The following BCAT1 variants were observed in gnomAD, a reference collection of about 807,000 sequenced individuals.
BCAT1 encodes the protein branched-chain-amino-acid aminotransferase, cytosolic.
Under a neutral mutation model 52.4 loss-of-function variants are expected in BCAT1, and 48 were observed. That is an observed-to-expected ratio of 0.92 (90% confidence interval 0.73 to 1.16). The LOEUF (loss-of-function observed/expected upper bound fraction) is 1.16. Ranked by LOEUF, BCAT1 falls within the 50% of genes most tolerant of loss-of-function variation. BCAT1 has a pLI of 0.00. For synonymous variants in BCAT1, 167 were observed against 161.3 expected, an observed-to-expected ratio of 1.04 and a Z score of -0.27; for missense variants, 451 against 457.1, an observed-to-expected ratio of 0.99 and a Z score of 0.12.
At chr12:24,933,833 T>C (rs954206988) in intron 1 of BCAT1, among the ~76,000 whole-genome samples, 2 of 152,054 alleles carry the variant, frequency 1.3e-5, no homozygotes, top group African/African-American at 2.4e-5. Flanking sequence ...CCAGATTTTA[T>C]AGTCAGGCTT....
At position 24,901,853 on chromosome 12, in the gene BCAT1, G is replaced by T; in HGVS notation, c.39C>A (p.Thr13=). 1 of 1,613,882 alleles carries T rather than the reference G, an allele frequency of 6.2e-7. No homozygotes were observed. Among genetic ancestry groups the T allele is most frequent in the Non-Finnish European group, 8.5e-7 (1 of 1,179,866 alleles). The change falls in exon 2 of 11, where the codon ACC becomes ACA. Residue 13 remains threonine (T), a synonymous_variant. Coordinates refer to ENST00000261192, the MANE Select transcript of BCAT1 (RefSeq NM_005504.7). ...CCACCTCTTTTGATCCTCCTTCTCCGGTACACTCTGCGGAGCATCCGTTAC... is the reference window on the plus strand; with the variant it reads ...CCACCTCTTTTGATCCTCCTTCTCCTGTACACTCTGCGGAGCATCCGTTAC... ...DCSNGCSAEC[T]GEGGSKEVVG...
intron 1 of BCAT1, among the ~76,000 whole-genome samples, chr12:24,931,576 G>A (rs1489327641): frequency 1.3e-5 from 2 of 152,226 alleles, no homozygotes; most frequent in African/African-American, 2.4e-5. Flanking sequence ...CCTGAAATAC[G>A]AGCCCCTTTG....
intron 10 of BCAT1, among the ~76,000 whole-genome samples, chr12:24,824,862 G>A (rs1397825886): frequency 6.6e-6 from 1 of 151,898 alleles, no homozygotes; most frequent in Non-Finnish European, 1.5e-5. Flanking sequence ...CAGTTTAATG[G>A]TAATAAATAC....
chr12:24,906,973 TCTC>T (rs1274551747), intron 1 of BCAT1, among the ~76,000 whole-genome samples: 1 of 152,142 alleles, frequency 6.6e-6, no homozygotes, highest in Non-Finnish European at 1.5e-5. Context: ...TCTGAAGACA[TCTC>T]CTCTTGGTCA....
chr12:24,942,699 T>C (rs886329585), intron 1 of BCAT1, among the ~76,000 whole-genome samples: 1 of 152,144 alleles, frequency 6.6e-6, no homozygotes, highest in African/African-American at 2.4e-5. Context: ...AAGTGGGAAG[T>C]AGGAAGGCTA....
chr12:24,945,236 A>T (rs551879178), intron 1 of BCAT1, among the ~76,000 whole-genome samples: 1 of 152,224 alleles, frequency 6.6e-6, no homozygotes, highest in Non-Finnish European at 1.5e-5. Flanking sequence ...AGGTCTTATG[A>T]TGAAACTGTT....
rs947270024 is a variant in BCAT1 at position 24,825,468 on chromosome 12, T to G, written c.1119+4355A>C. On this transcript the variant is annotated intron_variant, in intron 10 of 10. Transcript: ENST00000261192. ...CCCAGCATCTGTTATTGCCTGTTTT[T>G]TTTTTTTTTTTTAATACAAGCCATT... 4.9e-4 allele frequency among the ~76,000 whole-genome samples: 73 copies of G among 150,110 alleles called. 1 individual carries two copies. The highest frequency in any genetic ancestry group is 1.3e-4 in the Non-Finnish European group (9 of 67,704).
At chr12:24,931,899 G>A (rs10771142) in intron 1 of BCAT1, among the ~76,000 whole-genome samples, 25,373 of 152,106 alleles carry the variant, frequency 0.17, 2,280 homozygotes, top group East Asian at 0.3. Context: ...TCTTAGGCAG[G>A]CAGCTGTGCA....
intron 3 of BCAT1, among the ~76,000 whole-genome samples, chr12:24,881,928 G>A (rs190349022): frequency 3.3e-5 from 5 of 152,276 alleles, no homozygotes; most frequent in Admixed American, 3.3e-4. Context: ...ACTATGTTAA[G>A]CCACGTCACC....
At chr12:24,839,840 A>T (rs1177604657) in intron 7 of BCAT1, among the ~76,000 whole-genome samples, 7 of 152,216 alleles carry the variant, frequency 4.6e-5, no homozygotes, top group Non-Finnish European at 8.8e-5. Context: ...GTATTTTCTT[A>T]AAATCATATG....
At position 24,834,307 on chromosome 12, in the gene BCAT1, C is replaced by G. The variant is rs554057341; in HGVS notation, c.904-1444G>C. ...AATTCTCTTCCTTCTCTTTCAGTAT[C>G]ACATTCAGTTGATTTTCATCATGGA... is the stretch of plus-strand genomic sequence containing the variant. On this transcript the variant is annotated intron_variant, in intron 8 of 10. Transcript: ENST00000261192. 4 of 985,312 alleles carry G rather than the reference C, an allele frequency of 4.1e-6. No individual in the cohort carries two copies. The South Asian group carries it at 1.9e-4, about 46-fold the overall frequency. The allele number at this position is 985,312 out of a possible 1,614,324, so 61.0% of individuals were successfully genotyped here. A position where few individuals can be genotyped will look rare whatever the true frequency, so the allele number is the denominator to read the frequency against.
chr12:24,850,652 C>G (rs548373072), intron 5 of BCAT1, among the ~76,000 whole-genome samples: 1 of 152,314 alleles, frequency 6.6e-6, no homozygotes, highest in Admixed American at 6.5e-5. Context: ...TTTGGCCAAT[C>G]AAACGTGGCC....
intron 5 of BCAT1, among the ~76,000 whole-genome samples, chr12:24,856,535 G>GA (rs11440596): frequency 0.56 from 85,446 of 151,964 alleles, 24,784 homozygotes; most frequent in East Asian, 0.83. Flanking sequence ...ATAAGAAGAG[G>GA]AAAAGACACC....
chr12:24,892,326 A>G (rs1267569415), intron 3 of BCAT1, among the ~76,000 whole-genome samples: 1 of 152,170 alleles, frequency 6.6e-6, no homozygotes, highest in Non-Finnish European at 1.5e-5. Context: ...AGAGTTTTCA[A>G]AAACCAGTGA....
Position 24,815,597 on chromosome 12 carries a change from CTATT to C in BCAT1, c.*2407_*2410del, listed in dbSNP as rs1163120139. The C allele has an allele frequency of 6.6e-6, 1 of 152,278 alleles. No individual in the cohort carries two copies. Among genetic ancestry groups the C allele is most frequent in the African/African-American group, 2.4e-5 (1 of 41,432 alleles). The allele number at this position is 152,278 out of a possible 1,614,324, so 9.4% of individuals were successfully genotyped here. On this transcript the variant is annotated 3_prime_UTR_variant, in exon 11 of 11. Coordinates refer to ENST00000261192, the MANE Select transcript of BCAT1 (RefSeq NM_005504.7). ...AGATGTGCAGATGTTCCTGTTAAAT[CTATT>C]TAACAAGAAAGCGTCAAGGTCAATT...
rs1300360448 is a variant in BCAT1, at chr12:24,815,575, T to C, written c.*2433A>G. On this transcript the variant is annotated 3_prime_UTR_variant, in exon 11 of 11. Transcript: ENST00000261192. ...ACAAATAGTGCACAAGGAAAAAAGATGTGCAGATGTTCCTGTTAAATCTAT... is the reference window on the plus strand; with the variant it reads ...ACAAATAGTGCACAAGGAAAAAAGACGTGCAGATGTTCCTGTTAAATCTAT... 1 of 152,468 alleles carries C rather than the reference T, an allele frequency of 6.6e-6. No homozygotes were observed. The highest frequency in any genetic ancestry group is 1.5e-5 in the Non-Finnish European group (1 of 68,028). The allele number at this position is 152,468 out of a possible 1,614,324, so 9.4% of individuals were successfully genotyped here. A position where few individuals can be genotyped will look rare whatever the true frequency, so the allele number is the denominator to read the frequency against.
At chr12:24,832,639 A>C in intron 9 of BCAT1, 84 bp downstream of exon 9, 1 of 1,419,766 alleles carries the variant, frequency 7.0e-7, no homozygotes, top group Non-Finnish European at 9.4e-7. Flanking sequence ...GTCTGGGTCC[A>C]GATACAATTT....
intron 7 of BCAT1, among the ~76,000 whole-genome samples, chr12:24,841,695 G>A (rs1207187425): frequency 2.0e-5 from 3 of 152,030 alleles, no homozygotes; most frequent in Non-Finnish European, 4.4e-5. Context: ...CTGAGGTCAG[G>A]AGTTCAAGAC....
chr12:24,914,295 C>T (rs1441528327), intron 1 of BCAT1, among the ~76,000 whole-genome samples: 1 of 152,072 alleles, frequency 6.6e-6, no homozygotes, highest in African/African-American at 2.4e-5. Context: ...GTTGCTCTGG[C>T]TGGTCTCGAA....
Sources: gnomAD v4.1 joint callset for allele counts (sites outside exome capture counted in the v4.1 genomes callset) on GRCh38, gnomAD v4.1.1 for gene constraint, MANE v1.5 for transcripts, NCBI Gene and HGNC (gene_info 2026-07-23, HGNC 2026-07-21) for gene names.